The following SPTAN1 variants were observed in gnomAD, a reference collection of about 807,000 sequenced individuals.
SPTAN1 encodes spectrin alpha chain, non-erythrocytic 1.
Under a neutral mutation model 331.3 loss-of-function variants are expected in SPTAN1, and 61 were observed. That is an observed-to-expected ratio of 0.18 (90% confidence interval 0.15 to 0.23). The LOEUF is 0.23. SPTAN1 is among the 10% of genes least tolerant of loss of function. The probability of loss-of-function intolerance (pLI) is 1.00; values close to 1 mark genes in which losing one functional copy is unlikely to be tolerated. For synonymous variants in SPTAN1, 1,153 were observed against 1,173.9 expected (o/e 0.98, Z 0.36); for missense variants, 2,043 against 3,147.9 (o/e 0.65, Z 8.40).
Position 128,619,043 on chromosome 9 carries a change from G to C in SPTAN1, c.5733+40G>C, listed in dbSNP as rs1589359723. On this transcript the variant is annotated intron_variant, in intron 44 of 56. Coordinates refer to ENST00000372739, the MANE Select transcript of SPTAN1 (RefSeq NM_001130438.3). ...AAAGGTGTCACCTGCTTTCTCTCTT[G>C]GCAACTGCCTGCTGGTCATCATTTC... The C allele has an allele frequency of 3.7e-6, 6 of 1,612,236 alleles. No homozygotes were observed. The Admixed American group carries it at 8.3e-5, about 22-fold the overall frequency.
chr9:128,591,771 C>T, intron 22 of SPTAN1, 146 bp downstream of exon 22: 1 of 971,372 alleles, frequency 1.0e-6, no homozygotes, highest in Non-Finnish European at 1.5e-6. Flanking sequence ...AGCCCACAGA[C>T]CTCCCTGTGT....
intron 22 of SPTAN1, among the ~76,000 whole-genome samples, chr9:128,592,063 C>T (rs1044897197): frequency 2.0e-5 from 3 of 152,090 alleles, no homozygotes; most frequent in Admixed American, 2.0e-4. Context: ...CCCCATATTG[C>T]CCTGTGTCCC....
At chr9:128,596,894 G>A (rs535656251) in intron 24 of SPTAN1, among the ~76,000 whole-genome samples, 1 of 152,016 alleles carries the variant, frequency 6.6e-6, no homozygotes, top group African/African-American at 2.4e-5. Flanking sequence ...GCCCAGTGGC[G>A]CATGCCTGTA....
intron 3 of SPTAN1, among the ~76,000 whole-genome samples, 188 bp from the exon 4 acceptor site, chr9:128,574,487 A>G (rs1055260985): frequency 1.3e-5 from 2 of 152,084 alleles, no homozygotes; most frequent in Non-Finnish European, 2.9e-5. Context: ...CCAAAAAACC[A>G]CTGTGAACTG....
intron 24 of SPTAN1, among the ~76,000 whole-genome samples, chr9:128,597,286 G>A (rs1052784342): frequency 1.3e-5 from 2 of 152,168 alleles, no homozygotes; most frequent in Non-Finnish European, 2.9e-5. Flanking sequence ...TTAAAGGTGT[G>A]AGCCACCACA....
chr9:128,611,094 G>C (rs1162302108), intron 37 of SPTAN1, among the ~76,000 whole-genome samples: 1 of 152,300 alleles, frequency 6.6e-6, no homozygotes, highest in East Asian at 1.9e-4. Context: ...ACTGAAGTTG[G>C]CCATTGCCAT....
rs1859406385 is a variant in SPTAN1 at position 128,629,871 on chromosome 9, CT to C, written c.6708-448del. Reference sequence around the variant, plus strand: ...GAATGGGGCTCCCTCCCTCAGGAACCTTGCCGGGACACTCCAGGGTTTCTGT... The same window carrying C: ...GAATGGGGCTCCCTCCCTCAGGAACCTGCCGGGACACTCCAGGGTTTCTGT... On this transcript the variant is annotated intron_variant, in intron 51 of 56. Coordinates refer to ENST00000372739, the MANE Select transcript of SPTAN1 (RefSeq NM_001130438.3). This position sits in a 1 kb window ranked among gnomAD's most constrained non-coding sequence, Gnocchi z 4.9. The C allele has an allele frequency of 1.5e-5, 5 of 327,938 alleles. No individual in the cohort carries two copies. The highest frequency in any genetic ancestry group is 1.3e-4 in the South Asian group (5 of 38,916). The allele number at this position is 327,938 out of a possible 1,614,324, so 20.3% of individuals were successfully genotyped here. A position where few individuals can be genotyped will look rare whatever the true frequency, so the allele number is the denominator to read the frequency against.
intron 1 of SPTAN1, among the ~76,000 whole-genome samples, chr9:128,565,364 A>G (rs1849900713): frequency 6.6e-6 from 1 of 152,246 alleles, no homozygotes; most frequent in Admixed American, 6.5e-5. Context: ...GTTTCCTTTT[A>G]TAGTATAAAA....
chr9:128,594,259 G>A lies in SPTAN1; in HGVS notation c.3300G>A (p.Ala1100=), dbSNP rs2227865. The change falls in exon 24 of 57, where the codon GCG becomes GCA. Residue 1100 remains alanine, a synonymous_variant. Coordinates refer to ENST00000372739, the MANE Select transcript of SPTAN1 (RefSeq NM_001130438.3). The part of the protein sequence containing the change: ...SCKKFMLFRE[A]NELQQWINEK... Reference sequence around the variant, plus strand: ...AGAAGTTTATGTTGTTCCGTGAAGCGAATGAACTACAGCAATGGATCAATG... The same window carrying A: ...AGAAGTTTATGTTGTTCCGTGAAGCAAATGAACTACAGCAATGGATCAATG... 6,443 of 1,614,044 alleles carry A rather than the reference G, an allele frequency of 4.0e-3. 218 individuals carry two copies. In the African/African-American group the frequency reaches 0.075, roughly 19 times the overall value.
intron 22 of SPTAN1, among the ~76,000 whole-genome samples, chr9:128,592,247 A>T: frequency 6.6e-6 from 1 of 150,548 alleles, no homozygotes; most frequent in East Asian, 2.0e-4. Context: ...GTTACTATAG[A>T]GATAAGAATG....
intron 27 of SPTAN1, 120 bp downstream of exon 27, chr9:128,600,235 T>G (rs1198122018): frequency 9.1e-7 from 1 of 1,093,086 alleles, no homozygotes; most frequent in African/African-American, 1.6e-5. Context: ...TCTGGACTTG[T>G]TTGGGCTGGT....
Position 128,577,045 on chromosome 9 carries a change from C to G in SPTAN1, c.786-84C>G, listed in dbSNP as rs988043992. On this transcript the variant is annotated intron_variant, in intron 6 of 56. Transcript: ENST00000372739. This position sits in a 1 kb window ranked among gnomAD's most constrained non-coding sequence, Gnocchi z 4.2. ...GGCATGTGCTGGTGAGCTGTCGAGGCTGACTAGGCCTTGGTCCCATGGGGT... is the reference window on the plus strand; with the variant it reads ...GGCATGTGCTGGTGAGCTGTCGAGGGTGACTAGGCCTTGGTCCCATGGGGT... 51 of 1,613,702 alleles carry G rather than the reference C, an allele frequency of 3.2e-5. No individual in the cohort carries two copies. Among genetic ancestry groups the G allele is most frequent in the Non-Finnish European group, 5.1e-6 (6 of 1,179,936 alleles).
chr9:128,629,942 CCTGT>C lies in SPTAN1; in HGVS notation c.6708-373_6708-370del, dbSNP rs933402115. ...CAGCCTCCCCTCTGCCCTGAGGTCT[CCTGT>C]CTGTCAGGTGTCAGGGTGTGCCATC... On this transcript the variant is annotated intron_variant, in intron 51 of 56. Transcript: ENST00000372739. This position sits in a 1 kb window ranked among gnomAD's most constrained non-coding sequence, Gnocchi z 4.9. 1.6e-5 allele frequency: 6 copies of C among 371,572 alleles called. No homozygotes were observed. Among genetic ancestry groups the C allele is most frequent in the African/African-American group, 8.5e-5 (4 of 47,258 alleles). 23.0% of individuals were successfully genotyped at this position (371,572 alleles called of 1,614,324 possible).
chr9:128,574,338 A>C (rs1031451716), intron 3 of SPTAN1, among the ~76,000 whole-genome samples: 1 of 148,332 alleles, frequency 6.7e-6, no homozygotes, highest in African/African-American at 2.4e-5. Context: ...CAATATAAAT[A>C]TATCATAAAT....
chr9:128,584,692 G>A (rs895145315), intron 17 of SPTAN1, 29 bp from the exon 18 acceptor site: 17 of 1,614,086 alleles, frequency 1.1e-5, no homozygotes, highest in African/African-American at 1.3e-5. Context: ...TTCATGGTTG[G>A]ATAACTGGGG....
chr9:128,578,083 A>AT, intron 8 of SPTAN1, 27 bp from the exon 9 acceptor site: 3 of 1,612,184 alleles, frequency 1.9e-6, no homozygotes, highest in Non-Finnish European at 2.5e-6. Context: ...CGCTGGAAAC[A>AT]TAATGTCTTC....
intron 33 of SPTAN1, 24 bp downstream of exon 33, chr9:128,608,073 C>T: frequency 1.2e-6 from 2 of 1,614,124 alleles, no homozygotes; most frequent in African/African-American, 1.3e-5. Flanking sequence ...TGGTTTCTGA[C>T]CAAGTGTTTC....
intron 1 of SPTAN1, among the ~76,000 whole-genome samples, chr9:128,562,969 AAAATAT>A (rs1849553859): frequency 1.5e-5 from 2 of 130,180 alleles, no homozygotes; most frequent in African/African-American, 2.9e-5. Flanking sequence ...CGTCTAAAAA[AAAATAT>A]ATATATACAT....
At chr9:128,613,066 AT>A (rs1856749243) in intron 39 of SPTAN1, among the ~76,000 whole-genome samples, 1 of 152,134 alleles carries the variant, frequency 6.6e-6, no homozygotes, top group Admixed American at 6.5e-5. Flanking sequence ...ATATCTTTGA[AT>A]ATTAATCTTT....
Sources: gnomAD v4.1 joint callset for allele counts (sites outside exome capture counted in the v4.1 genomes callset) on GRCh38, gnomAD v4.1.1 for gene constraint, Gnocchi (gnomAD v3.1) non-coding constraint, MANE v1.5 for transcripts, NCBI Gene and HGNC (gene_info 2026-07-23, HGNC 2026-07-21) for gene names.